The following NRDE2 variants were observed in gnomAD, a reference collection of about 807,000 sequenced individuals.
NRDE2 encodes nuclear exosome regulator NRDE2.
A neutral mutation model predicts 124.2 loss-of-function variants in NRDE2; 76 were observed. The observed-to-expected ratio is 0.61, with a 90% CI of 0.51 to 0.74. NRDE2 has a LOEUF of 0.74. NRDE2 is among the 30% of genes least tolerant of loss of function. NRDE2 has a pLI of 0.00. For synonymous variants in NRDE2, 489 were observed against 528.1 expected (o/e 0.93, Z 1.01); for missense variants, 1,314 against 1,417.3 (o/e 0.93, Z 1.17).
At chr14:90,297,921 A>T (rs1884239419) in intron 8 of NRDE2, among the ~76,000 whole-genome samples, 1 of 142,288 alleles carries the variant, frequency 7.0e-6, no homozygotes, top group Admixed American at 7.3e-5. Context: ...AGCCTGGGTG[A>T]CAGAGCGAGA....
chr14:90,281,734 G>A (rs1891960006), intron 12 of NRDE2: 1 of 152,278 alleles, frequency 6.6e-6, no homozygotes, highest in East Asian at 1.9e-4. Flanking sequence ...AAACAAATGT[G>A]AGCAACTGTT....
At chr14:90,294,504 G>A (rs969861590) in intron 8 of NRDE2, among the ~76,000 whole-genome samples, 1 of 152,124 alleles carries the variant, frequency 6.6e-6, no homozygotes, top group South Asian at 2.1e-4. Flanking sequence ...AGAAGTGTTC[G>A]GCTTTAAAAA....
intron 1 of NRDE2, among the ~76,000 whole-genome samples, chr14:90,323,545 T>G (rs983132172): frequency 6.6e-6 from 1 of 152,162 alleles, no homozygotes; most frequent in Non-Finnish European, 1.5e-5. Context: ...AGTGTATATA[T>G]TATGGAAGAA....
chr14:90,291,952 G>A (rs575047309), intron 9 of NRDE2, among the ~76,000 whole-genome samples: 17 of 152,352 alleles, frequency 1.1e-4, no homozygotes, highest in African/African-American at 2.4e-4. Flanking sequence ...CCTTCAGGGC[G>A]CCTCGTTTGT....
At chr14:90,289,206 C>A in intron 10 of NRDE2, 61 bp from the exon 11 acceptor site, 1 of 1,389,124 alleles carries the variant, frequency 7.2e-7, no homozygotes, top group South Asian at 1.4e-5. Context: ...CCTCTGCTGC[C>A]AACTGTAGAA....
chr14:90,326,962 A>T (rs537379270), intron 1 of NRDE2, among the ~76,000 whole-genome samples: 29 of 152,358 alleles, frequency 1.9e-4, no homozygotes, highest in Admixed American at 1.8e-3. Flanking sequence ...AAATTAAATC[A>T]AAGAAGTAAA....
intron 1 of NRDE2, among the ~76,000 whole-genome samples, chr14:90,322,053 C>T (rs1272483974): frequency 6.6e-6 from 1 of 152,144 alleles, no homozygotes; most frequent in Admixed American, 6.5e-5. Context: ...ATCCAGTTCT[C>T]TCCACCCCAC....
intron 1 of NRDE2, among the ~76,000 whole-genome samples, chr14:90,324,141 T>C (rs1885334989): frequency 6.8e-6 from 1 of 148,046 alleles, no homozygotes; most frequent in Non-Finnish European, 1.5e-5. Flanking sequence ...GTGAAGGAAA[T>C]ATGCTCCTAG....
chr14:90,278,968 G>C, intron 13 of NRDE2, 94 bp downstream of exon 13: 1 of 867,006 alleles, frequency 1.2e-6, no homozygotes, highest in Non-Finnish European at 1.9e-6. Flanking sequence ...GAGCATCCCC[G>C]GTGCCGCGGG....
At position 90,301,364 on chromosome 14, in the gene NRDE2, G is replaced by T. The variant is rs756870095; in HGVS notation, c.1420C>A (p.Leu474Ile). 1 of 1,613,896 alleles carries T rather than the reference G, an allele frequency of 6.2e-7. No homozygotes were observed. Among genetic ancestry groups the T allele is most frequent in the Non-Finnish European group, 8.5e-7 (1 of 1,179,922 alleles). ...TGCCGCAGAAAGTGGCACTGCTGAA[G>T]AAAGAGTGCTGCGAACAGGAGGGCA... Reference protein sequence around the residue: ...GTEEAMFALFLQQCHFLRQAG... With the variant: ...GTEEAMFALFIQQCHFLRQAG... Residue 474 changes from leucine (L) to isoleucine (I), a missense_variant, in exon 7 of 14, where the codon CTT becomes ATT. Physicochemically the swap from Leu to Ile is conservative, Grantham distance 5. Coordinates refer to ENST00000354366, the MANE Select transcript of NRDE2 (RefSeq NM_017970.4).
At chr14:90,330,368 T>G (rs1277922626) in intron 1 of NRDE2, among the ~76,000 whole-genome samples, 2 of 152,122 alleles carry the variant, frequency 1.3e-5, no homozygotes, top group Admixed American at 1.3e-4. Flanking sequence ...GATCTGTACA[T>G]CCAGAAAATA....
rs1230553438 is a variant in NRDE2, at chr14:90,272,213, AT to A, written c.*6122del. 9 of 1,582,834 alleles carry A rather than the reference AT, an allele frequency of 5.7e-6. No homozygotes were observed. Among genetic ancestry groups the A allele is most frequent in the Non-Finnish European group, 7.7e-6 (9 of 1,168,788 alleles). ...CTGGCCTCAGAATAGGTTTTTTGGA[AT>A]TCCTTGTTAGAATAAAAATGAGTAT... On this transcript the variant is annotated 3_prime_UTR_variant, in exon 14 of 14. Transcript: ENST00000354366. This position sits in a 1 kb window ranked among gnomAD's most constrained non-coding sequence, Gnocchi z 4.5.
intron 7 of NRDE2, 130 bp from the exon 8 acceptor site, chr14:90,298,510 A>G: frequency 1.6e-5 from 15 of 933,538 alleles, no homozygotes; most frequent in South Asian, 9.6e-5. Flanking sequence ...CAGTCTTTGA[A>G]GTAGATACAT....
chr14:90,292,621 T>A lies in NRDE2; in HGVS notation c.1842+76A>T, dbSNP rs891455410. On this transcript the variant is annotated intron_variant, in intron 9 of 13. Coordinates refer to ENST00000354366, the MANE Select transcript of NRDE2 (RefSeq NM_017970.4). Reference sequence around the variant, plus strand: ...AGAGCTCCAGCGGCCTCCTTTCAGATAACCAAAGCGCATGGGAATGGAAAG... The same window carrying A: ...AGAGCTCCAGCGGCCTCCTTTCAGAAAACCAAAGCGCATGGGAATGGAAAG... The A allele has an allele frequency of 2.6e-6, 4 of 1,512,618 alleles. No individual in the cohort carries two copies. In the African/African-American group the frequency reaches 4.2e-5, roughly 16 times the overall value. The allele number at this position is 1,512,618 out of a possible 1,614,324, so 93.7% of individuals were successfully genotyped here.
Position 90,286,628 on chromosome 14 carries a change from G to A in NRDE2, c.3159-136C>T, listed in dbSNP as rs979637634. On this transcript the variant is annotated intron_variant, in intron 11 of 13. Coordinates refer to ENST00000354366, the MANE Select transcript of NRDE2 (RefSeq NM_017970.4). The stretch of plus-strand genomic sequence containing the variant: ...CTCAGGGGAGAACTGTCCCTCAGGC[G>A]TAGAGCGCTGTGTATGGGGCTTCTC... 56 of 1,113,882 alleles carry A rather than the reference G, an allele frequency of 5.0e-5. No individual in the cohort carries two copies. The South Asian group carries it at 6.1e-4, about 12-fold the overall frequency. 69.0% of individuals were successfully genotyped at this position (1,113,882 alleles called of 1,614,324 possible).
At chr14:90,324,267 G>GT (rs753363873) in intron 1 of NRDE2, among the ~76,000 whole-genome samples, 25 of 152,158 alleles carry the variant, frequency 1.6e-4, no homozygotes, top group Non-Finnish European at 2.9e-4. Flanking sequence ...TAAAAAACAT[G>GT]TTTGAGAGCT....
intron 9 of NRDE2, among the ~76,000 whole-genome samples, chr14:90,292,293 G>A (rs1468247994): frequency 6.6e-6 from 1 of 152,218 alleles, no homozygotes; most frequent in East Asian, 1.9e-4. Flanking sequence ...CAAGAGTGGG[G>A]TGGGGAAAGT....
intron 9 of NRDE2, among the ~76,000 whole-genome samples, chr14:90,290,953 T>G (rs555493020): frequency 3.3e-5 from 5 of 152,252 alleles, no homozygotes; most frequent in African/African-American, 7.2e-5. Flanking sequence ...AAAGCATACA[T>G]AATTGCTTTT....
intron 12 of NRDE2, among the ~76,000 whole-genome samples, chr14:90,282,010 T>C (rs1032338396): frequency 6.6e-6 from 1 of 152,232 alleles, no homozygotes; most frequent in African/African-American, 2.4e-5. Context: ...GAAAATCTAA[T>C]GATTCACAAT....
Sources: allele counts gnomAD v4.1 joint callset (sites outside exome capture counted in the v4.1 genomes callset), GRCh38; gene constraint gnomAD v4.1.1; non-coding constraint Gnocchi (gnomAD v3.1); transcripts MANE v1.5; gene names NCBI Gene and HGNC (gene_info 2026-07-23, HGNC 2026-07-21).